CLCN3: variants seen among roughly 807,000 people sequenced by gnomAD.
CLCN3 encodes the protein H(+)/Cl(-) exchange transporter 3.
A neutral mutation model predicts 83.4 loss-of-function variants in CLCN3; 16 were observed. The observed-to-expected ratio is 0.19, with a 90% CI of 0.13 to 0.29. CLCN3 has a LOEUF of 0.29. Among genes scored for constraint, CLCN3 ranks in the 10% least tolerant of loss-of-function variants. The pLI, the probability that CLCN3 is intolerant of heterozygous loss-of-function variation, is 1.00. For synonymous variants in CLCN3, 322 were observed against 346.2 expected (o/e 0.93, Z 0.78); for missense variants, 544 against 1,006.0 (o/e 0.54, Z 6.21).
rs916244016 is a variant in CLCN3 at position 169,722,926 on chromosome 4, T to A, written c.*2929T>A. On this transcript the variant is annotated 3_prime_UTR_variant, in exon 13 of 13. Coordinates refer to ENST00000513761, the MANE Select transcript of CLCN3 (RefSeq NM_001829.4). Reference sequence around the variant, plus strand: ...TAATTGGCAAATTAATTTACCAATATAATAAGTGTAGCGCCTTGTTTGAAT... The same window carrying A: ...TAATTGGCAAATTAATTTACCAATAAAATAAGTGTAGCGCCTTGTTTGAAT... 1 of 152,206 alleles carries A rather than the reference T, an allele frequency of 6.6e-6. No individual in the cohort carries two copies. Among genetic ancestry groups the A allele is most frequent in the African/African-American group, 2.4e-5 (1 of 41,446 alleles). The allele number at this position is 152,206 out of a possible 1,614,324, so 9.4% of individuals were successfully genotyped here.
rs771857876 is a variant in CLCN3 at position 169,717,782 on chromosome 4, T to G, written c.2367-2125T>G. Reference sequence around the variant, plus strand: ...TCTCACACAGTTATTAGCATAATAATCTGTTTCAGGATTGTCTTGGGGATC... The same window carrying G: ...TCTCACACAGTTATTAGCATAATAAGCTGTTTCAGGATTGTCTTGGGGATC... On this transcript the variant is annotated intron_variant, in intron 12 of 12. Coordinates refer to ENST00000513761, the MANE Select transcript of CLCN3 (RefSeq NM_001829.4). 7 of 1,572,860 alleles carry G rather than the reference T, an allele frequency of 4.5e-6. No individual in the cohort carries two copies. In the East Asian group the frequency reaches 1.6e-4, roughly 35 times the overall value.
intron 11 of CLCN3, among the ~76,000 whole-genome samples, chr4:169,709,233 A>T (rs1733106954): frequency 1.3e-5 from 2 of 151,082 alleles, no homozygotes; most frequent in Admixed American, 1.3e-4. Flanking sequence ...GGATGAAAAA[A>T]TTTCCATGCT....
At chr4:169,640,972 G>A (rs1427859276) in intron 2 of CLCN3, among the ~76,000 whole-genome samples, 1 of 152,084 alleles carries the variant, frequency 6.6e-6, no homozygotes, top group African/African-American at 2.4e-5. Flanking sequence ...ATGTTTACTT[G>A]ACAACATCAA....
intron 9 of CLCN3, among the ~76,000 whole-genome samples, chr4:169,698,776 G>A (rs1403691843): frequency 6.6e-6 from 1 of 152,178 alleles, no homozygotes; most frequent in African/African-American, 2.4e-5. Flanking sequence ...GGATCTCACT[G>A]TGCTAAAATT....
intron 2 of CLCN3, among the ~76,000 whole-genome samples, chr4:169,679,576 G>A (rs1480913548): frequency 9.9e-5 from 15 of 152,258 alleles, no homozygotes; most frequent in Admixed American, 8.5e-4. Context: ...CCGAGATCAC[G>A]CCACTGCACT....
chr4:169,670,679 G>C (rs1343500372), intron 2 of CLCN3, among the ~76,000 whole-genome samples: 1 of 152,190 alleles, frequency 6.6e-6, no homozygotes, highest in Admixed American at 6.5e-5. Flanking sequence ...GATGGGAATA[G>C]CGTTGAATCT....
intron 11 of CLCN3, among the ~76,000 whole-genome samples, chr4:169,712,820 G>A (rs1289127334): frequency 6.6e-6 from 1 of 152,156 alleles, no homozygotes; most frequent in African/African-American, 2.4e-5. Flanking sequence ...AAAGAAAATT[G>A]TACGATGATA....
intron 2 of CLCN3, among the ~76,000 whole-genome samples, chr4:169,644,690 C>T (rs1730522176): frequency 6.6e-6 from 1 of 151,780 alleles, no homozygotes; most frequent in African/African-American, 2.4e-5. Flanking sequence ...TAATAATGGC[C>T]ATCCCCACAC....
Position 169,620,660 on chromosome 4 carries a change from G to T in CLCN3, c.-420G>T. 2.5e-6 allele frequency: 1 copy of T among 398,148 alleles called. No individual in the cohort carries two copies. The highest frequency in any genetic ancestry group is 1.4e-4 in the South Asian group (1 of 7,340). 24.7% of individuals were successfully genotyped at this position (398,148 alleles called of 1,614,324 possible). On this transcript the variant is annotated 5_prime_UTR_variant, in exon 1 of 13. Coordinates refer to ENST00000513761, the MANE Select transcript of CLCN3 (RefSeq NM_001829.4). ...AGTGTTCTAGTTCGCCCGTGACCCGGAATAATGAGCAAGGAGGGTGTGGTG... is the reference window on the plus strand; with the variant it reads ...AGTGTTCTAGTTCGCCCGTGACCCGTAATAATGAGCAAGGAGGGTGTGGTG...
intron 12 of CLCN3, among the ~76,000 whole-genome samples, chr4:169,713,546 C>G (rs990425770): frequency 6.6e-6 from 1 of 152,180 alleles, no homozygotes; most frequent in Non-Finnish European, 1.5e-5. Flanking sequence ...AAAAGAGGTG[C>G]TGAAAGATCT....
chr4:169,649,631 A>G (rs1273943706), intron 2 of CLCN3, among the ~76,000 whole-genome samples: 2 of 152,246 alleles, frequency 1.3e-5, no homozygotes, highest in Non-Finnish European at 2.9e-5. Flanking sequence ...TGGTAGTGCC[A>G]TTTATAAGGC....
intron 2 of CLCN3, among the ~76,000 whole-genome samples, chr4:169,646,730 C>T (rs897920572): frequency 1.3e-5 from 2 of 152,038 alleles, no homozygotes; most frequent in Admixed American, 1.3e-4. Flanking sequence ...TAAGGGCCCA[C>T]CAAAATGGTA....
chr4:169,656,002 C>T (rs1239797620), intron 2 of CLCN3, among the ~76,000 whole-genome samples: 1 of 151,214 alleles, frequency 6.6e-6, no homozygotes, highest in African/African-American at 2.4e-5. Context: ...TTCTTTAGGG[C>T]TTCAATAACT....
chr4:169,678,019 G>A (rs1490875605), intron 2 of CLCN3, among the ~76,000 whole-genome samples: 1 of 152,200 alleles, frequency 6.6e-6, no homozygotes, highest in Non-Finnish European at 1.5e-5. Context: ...CCCGCCTGAT[G>A]ACAAGGCTGA....
chr4:169,712,742 G>A (rs1368435393), intron 11 of CLCN3, among the ~76,000 whole-genome samples: 1 of 152,178 alleles, frequency 6.6e-6, no homozygotes, highest in African/African-American at 2.4e-5. Flanking sequence ...CTCAGAATTT[G>A]TGCAGGTTTT....
chr4:169,626,582 A>T (rs1054394719), intron 1 of CLCN3, among the ~76,000 whole-genome samples: 1 of 152,244 alleles, frequency 6.6e-6, no homozygotes, highest in African/African-American at 2.4e-5. Context: ...GCTGTGGAAG[A>T]TTAGAGTTCT....
At chr4:169,711,391 T>G (rs952923168) in intron 11 of CLCN3, among the ~76,000 whole-genome samples, 3 of 152,208 alleles carry the variant, frequency 2.0e-5, no homozygotes, top group Non-Finnish European at 4.4e-5. Flanking sequence ...GAGACGGAGT[T>G]TCACTCTTGT....
Position 169,621,046 on chromosome 4 carries a change from A to G in CLCN3, c.-34A>G, listed in dbSNP as rs548035257. On this transcript the variant is annotated 5_prime_UTR_variant, in exon 1 of 13. The change abolishes an upstream ATG in the 5' untranslated region. Coordinates refer to ENST00000513761, the MANE Select transcript of CLCN3 (RefSeq NM_001829.4). ...GCAAAAAACAGCCACCGATTTTGCT[A>G]TGTCTCTGAGCTGCGAGGTGAGTTG... 9.2e-4 allele frequency: 364 copies of G among 397,554 alleles called. 1 individual carries two copies. The highest frequency in any genetic ancestry group is 1.5e-3 in the Non-Finnish European group (328 of 225,904). 24.6% of individuals were successfully genotyped at this position (397,554 alleles called of 1,614,324 possible). A position where few individuals can be genotyped will look rare whatever the true frequency, so the allele number is the denominator to read the frequency against.
chr4:169,645,204 T>C (rs1448461945), intron 2 of CLCN3, among the ~76,000 whole-genome samples: 2 of 152,206 alleles, frequency 1.3e-5, no homozygotes, highest in Non-Finnish European at 2.9e-5. Context: ...GACCACACTT[T>C]GAGAATTCTA....
Sources: allele counts gnomAD v4.1 joint callset (sites outside exome capture counted in the v4.1 genomes callset), GRCh38; gene constraint gnomAD v4.1.1; transcripts MANE v1.5; gene names NCBI Gene and HGNC (gene_info 2026-07-23, HGNC 2026-07-21).